KIR2DL1: variants seen among roughly 807,000 people sequenced by gnomAD.
KIR2DL1 encodes the protein killer cell immunoglobulin-like receptor 2DL1.
In KIR2DL1, 38 loss-of-function variants were observed where a neutral mutation model predicts 33.9. The observed-to-expected ratio is 1.12, with a 90% confidence interval of 0.86 to 1.47. KIR2DL1 has a LOEUF of 1.47. KIR2DL1 is among the 40% of genes most tolerant of loss of function. The pLI is 0.00. For missense variants in KIR2DL1, 531 were observed against 433.9 expected, an observed-to-expected ratio of 1.22 and a Z score of -1.99; for synonymous variants, 179 against 165.9, an observed-to-expected ratio of 1.08 and a Z score of -0.61.
chr19:54,777,753 C>CGT (rs1410786413), intron 4 of KIR2DL1, among the ~76,000 whole-genome samples: 2 of 135,826 alleles, frequency 1.5e-5, no homozygotes, highest in Non-Finnish European at 3.3e-5. Context: ...TTCAGACAAA[C>CGT]GTCCTGGAGC....
chr19:54,773,406 G>A lies in KIR2DL1; in HGVS notation c.144G>A (p.Gln48=), dbSNP rs687000. The part of the protein sequence containing the change: ...LVKSEETVIL[Q]CWSDVMFEHF... ...AATCAGAAGAGACAGTCATCCTGCAGTGTTGGTCAGATGTCATGTTTGAAC... is the reference window on the plus strand; with the variant it reads ...AATCAGAAGAGACAGTCATCCTGCAATGTTGGTCAGATGTCATGTTTGAAC... The change falls in exon 3 of 8, where the codon CAG becomes CAA. Residue 48 remains glutamine (Q), a synonymous_variant. Coordinates refer to ENST00000336077, the MANE Select transcript of KIR2DL1 (RefSeq NM_014218.3). The A allele has an allele frequency of 0.6, 914,622 of 1,525,504 alleles. 271,769 individuals are homozygous for A. Among genetic ancestry groups the A allele is most frequent in the Middle Eastern group, 0.65 (3,778 of 5,836 alleles). 94.5% of individuals were successfully genotyped at this position (1,525,504 alleles called of 1,614,324 possible).
In KIR2DL1 at chr19:54,780,110, G is replaced by C. The variant is rs1486887657; in HGVS notation, c.715+1448G>C. On this transcript the variant is annotated intron_variant, in intron 5 of 7. Transcript: ENST00000336077. ...GTAGAGAGGATGTTTCACCACGTTGGCCAAGCTTGTCTGAAACTCCCAACC... is the reference window on the plus strand; with the variant it reads ...GTAGAGAGGATGTTTCACCACGTTGCCCAAGCTTGTCTGAAACTCCCAACC... 7.6e-6 allele frequency: 4 copies of C among 524,668 alleles called. No homozygotes were observed. The Admixed American group carries it at 1.4e-4, about 18-fold the overall frequency. The allele number at this position is 524,668 out of a possible 1,614,324, so 32.5% of individuals were successfully genotyped here.
chr19:54,784,140 T>G lies in KIR2DL1; in HGVS notation c.*327T>G, dbSNP rs1396582656. The stretch of plus-strand genomic sequence containing the variant: ...GCAATCACACTGAGGAACTCACAAT[T>G]CCAAACATACAAGAGGCTCCCTCTT... On this transcript the variant is annotated 3_prime_UTR_variant, in exon 8 of 8. Transcript: ENST00000336077. The G allele has an allele frequency of 7.7e-6, 4 of 518,822 alleles. No individual in the cohort carries two copies. The highest frequency in any genetic ancestry group is 1.4e-5 in the Non-Finnish European group (4 of 289,862). 32.1% of individuals were successfully genotyped at this position (518,822 alleles called of 1,614,324 possible).
rs529671062 is a variant in KIR2DL1 at position 54,781,046 on chromosome 19, T to A, written c.716-1876T>A. ...AAAATTAGCCGAGCACGATGGTGCATCCCTGTAATCCCAGCTCCTATTCTG... is the reference window on the plus strand; with the variant it reads ...AAAATTAGCCGAGCACGATGGTGCAACCCTGTAATCCCAGCTCCTATTCTG... On this transcript the variant is annotated intron_variant, in intron 5 of 7. Transcript: ENST00000336077. Among the ~76,000 whole-genome samples, 75 of 92,218 alleles carry A rather than the reference T, an allele frequency of 8.1e-4. 3 individuals are homozygous for A. The Middle Eastern group carries it at 0.023, about 28-fold the overall frequency. The allele number at this position is 92,218 out of a possible 152,430, so 60.5% of individuals were successfully genotyped here. A position where few individuals can be genotyped will look rare whatever the true frequency, so the allele number is the denominator to read the frequency against.
chr19:54,773,618 A>G lies in KIR2DL1; in HGVS notation c.356A>G (p.Asp119Gly). The change falls in exon 3 of 8, where the codon GAC becomes GGC. Residue 119 changes from aspartate (D) to glycine (G), a missense_variant. Coordinates refer to ENST00000336077, the MANE Select transcript of KIR2DL1 (RefSeq NM_014218.3). ...YQVSAPSDPL[D>G]IVIIGLYEKP... ...GTGTCAGCTCCCAGTGACCCTCTGGACATCGTGATCATAGGTGAGAGTGTC... is the reference window on the plus strand; with the variant it reads ...GTGTCAGCTCCCAGTGACCCTCTGGGCATCGTGATCATAGGTGAGAGTGTC... 1 of 1,575,018 alleles carries G rather than the reference A, an allele frequency of 6.3e-7. No homozygotes were observed. The highest frequency in any genetic ancestry group is 1.1e-5 in the South Asian group (1 of 90,122).
At chr19:54,783,397 T>A in intron 6 of KIR2DL1, 89 bp from the exon 7 acceptor site, 1 of 1,470,018 alleles carries the variant, frequency 6.8e-7, no homozygotes, top group Non-Finnish European at 9.4e-7. Context: ...CAGCCACCTA[T>A]GGTCTCCCCC....
chr19:54,772,395 T>C (rs1600713260), intron 2 of KIR2DL1, among the ~76,000 whole-genome samples: 1 of 146,410 alleles, frequency 6.8e-6, no homozygotes, highest in Non-Finnish European at 1.5e-5. Context: ...TGCAGGTGCC[T>C]TGATTTTACC....
At chr19:54,770,988 A>C (rs1376057315) in intron 2 of KIR2DL1, 104 bp downstream of exon 2, 5 of 1,471,414 alleles carry the variant, frequency 3.4e-6, no homozygotes, top group Admixed American at 1.8e-5. Context: ...ACTAGGAAGA[A>C]GGGACCCTGG....
At chr19:54,773,224 AG>A in intron 2 of KIR2DL1, 108 bp from the exon 3 acceptor site, 1 of 1,245,776 alleles carries the variant, frequency 8.0e-7, no homozygotes, top group Non-Finnish European at 1.1e-6. Flanking sequence ...AGACACAGAG[AG>A]GAAGGAGAGA....
At chr19:54,773,980 G>C (rs1258489947) in intron 3 of KIR2DL1, among the ~76,000 whole-genome samples, 1 of 148,816 alleles carries the variant, frequency 6.7e-6, no homozygotes, top group Non-Finnish European at 1.5e-5. Context: ...CCTCCACAAA[G>C]TGTTCTCTAC....
At chr19:54,782,188 A>G (rs1162660572) in intron 5 of KIR2DL1, among the ~76,000 whole-genome samples, 2 of 151,844 alleles carry the variant, frequency 1.3e-5, no homozygotes, top group Non-Finnish European at 2.9e-5. Flanking sequence ...AGCCACAGGA[A>G]GCACTCAGCT....
Position 54,770,849 on chromosome 19 carries a change from G to T in KIR2DL1, c.35G>T (p.Gly12Val), listed in dbSNP as rs771818703. Residue 12 changes from glycine (G) to valine (V), a missense_variant and splice_region_variant, in exon 2 of 8, where the codon GGG (glycine) becomes GTG (valine). Physicochemically the swap from Gly to Val is moderately radical, Grantham distance 109. Transcript: ENST00000336077. ...CATCCATCATGATCTTTCTTTCCAGGGTTCTTCTTGCTGCAGGGGGCCTGG... is the reference window on the plus strand; with the variant it reads ...CATCCATCATGATCTTTCTTTCCAGTGTTCTTCTTGCTGCAGGGGGCCTGG... ...SLLVVSMACV[G>V]FFLLQGAWPH... 6.3e-7 allele frequency: 1 copy of T among 1,583,366 alleles called. No homozygotes were observed. The highest frequency in any genetic ancestry group is 8.6e-7 in the Non-Finnish European group (1 of 1,156,282).
Position 54,775,322 on chromosome 19 carries a change from G to A in KIR2DL1, c.528G>A (p.Lys176=), listed in dbSNP as rs142432377. 3.8e-5 allele frequency: 51 copies of A among 1,344,992 alleles called. 2 individuals are homozygous for A. In the African/African-American group the frequency reaches 7.4e-4, roughly 19 times the overall value. The allele number at this position is 1,344,992 out of a possible 1,614,324, so 83.3% of individuals were successfully genotyped here. Reference sequence around the variant, plus strand: ...AACGTAGGCTCCCTGCAGGGCCCAAGGTCAACGGAACATTCCAGGCTGACT... The same window carrying A: ...AACGTAGGCTCCCTGCAGGGCCCAAAGTCAACGGAACATTCCAGGCTGACT... The part of the protein sequence containing the change: ...AHERRLPAGP[K]VNGTFQADFP... Residue 176 remains lysine, a synonymous_variant, in exon 4 of 8, where the codon AAG becomes AAA. Coordinates refer to ENST00000336077, the MANE Select transcript of KIR2DL1 (RefSeq NM_014218.3).
At chr19:54,770,781 C>G in intron 1 of KIR2DL1, 68 bp from the exon 2 acceptor site, 2 of 1,552,690 alleles carry the variant, frequency 1.3e-6, no homozygotes, top group East Asian at 2.3e-5. Context: ...ACTCACAGCC[C>G]AGTGGGGGCA....
Position 54,783,458 on chromosome 19 carries a change from CT to C in KIR2DL1, c.818-27del. The C allele has an allele frequency of 5.2e-5, 84 of 1,610,580 alleles. 1 individual carries two copies. Among genetic ancestry groups the C allele is most frequent in the Non-Finnish European group, 7.1e-5 (83 of 1,177,110 alleles). On this transcript the variant is annotated intron_variant, in intron 6 of 7. Transcript: ENST00000336077. The stretch of plus-strand genomic sequence containing the variant: ...TGAGGACCCAGAAGTGCCCTCCGAG[CT>C]GTTTTGTTGACTTCCATCTTCTACA...
chr19:54,776,265 T>C (rs1271500794), intron 4 of KIR2DL1, among the ~76,000 whole-genome samples: 1 of 147,600 alleles, frequency 6.8e-6, no homozygotes, highest in African/African-American at 2.5e-5. Context: ...ACATTTTTTT[T>C]ACCCTCCACC....
At chr19:54,782,767 A>G (rs963883072) in intron 5 of KIR2DL1, among the ~76,000 whole-genome samples, 155 bp from the exon 6 acceptor site, 1 of 151,780 alleles carries the variant, frequency 6.6e-6, no homozygotes, top group African/African-American at 2.4e-5. Flanking sequence ...GAGAGCTATA[A>G]CAGAAAAAGC....
chr19:54,782,643 C>G (rs907908489), intron 5 of KIR2DL1, among the ~76,000 whole-genome samples: 3 of 151,988 alleles, frequency 2.0e-5, no homozygotes, highest in African/African-American at 7.2e-5. Context: ...GACCCAAACA[C>G]CTCTCAAGAG....
chr19:54,774,707 T>A (rs1247817969), intron 3 of KIR2DL1, among the ~76,000 whole-genome samples: 1 of 147,732 alleles, frequency 6.8e-6, no homozygotes, highest in Non-Finnish European at 1.5e-5. Flanking sequence ...TAGATATAGA[T>A]AATAGATGAT....
Sources: allele counts gnomAD v4.1 joint callset (sites outside exome capture counted in the v4.1 genomes callset), GRCh38; gene constraint gnomAD v4.1.1; transcripts MANE v1.5; gene names NCBI Gene and HGNC (gene_info 2026-07-23, HGNC 2026-07-21).